The following MMP26 variants were observed in gnomAD, a reference collection of about 807,000 sequenced individuals.
MMP26 encodes the protein matrix metalloproteinase-26.
MMP26 carries 33 observed loss-of-function variants against 31.0 expected under a neutral mutation model. The observed-to-expected ratio is 1.06, with a 90% CI of 0.81 to 1.42. The LOEUF is 1.42. Among genes scored for constraint, MMP26 ranks in the 40% most tolerant of loss-of-function variants. The pLI, the probability that MMP26 is intolerant of heterozygous loss-of-function variation, is 0.00. For synonymous variants in MMP26, 122 were observed against 114.9 expected (o/e 1.06, Z -0.40); for missense variants, 347 against 316.1 (o/e 1.10, Z -0.74).
At chr11:4,784,106 T>A (rs1848902653) in intron 2 of MMP26, among the ~76,000 whole-genome samples, 1 of 152,216 alleles carries the variant, frequency 6.6e-6, no homozygotes. Flanking sequence ...AGGAACAGGA[T>A]CAATTACTAT....
intron 2 of MMP26, chr11:4,768,920 C>T (rs1023553447): frequency 3.2e-5 from 37 of 1,155,318 alleles, no homozygotes; most frequent in Admixed American, 1.3e-4. Flanking sequence ...AGAGCAAGTT[C>T]GCTTTTCTAC....
chr11:4,891,923 A>G (rs1850629759), intron 2 of MMP26, among the ~76,000 whole-genome samples: 1 of 152,130 alleles, frequency 6.6e-6, no homozygotes, highest in Non-Finnish European at 1.5e-5. Flanking sequence ...TAGTTTTTCC[A>G]CAAATCCAGG....
chr11:4,744,892 C>T (rs187346449), intron 1 of MMP26, among the ~76,000 whole-genome samples: 205 of 152,090 alleles, frequency 1.3e-3, no homozygotes, highest in African/African-American at 4.7e-3. Context: ...CCATAATCAC[C>T]TCTTCTTCTT....
intron 2 of MMP26, among the ~76,000 whole-genome samples, chr11:4,812,632 T>G (rs553358523): frequency 2.0e-5 from 3 of 152,218 alleles, no homozygotes; most frequent in South Asian, 4.1e-4. Flanking sequence ...GGGAACAATC[T>G]ATGTATTTAT....
chr11:4,935,019 A>G (rs1851413165), intron 2 of MMP26, among the ~76,000 whole-genome samples: 1 of 150,868 alleles, frequency 6.6e-6, no homozygotes. Flanking sequence ...TGATGCCTCC[A>G]GCTTTGTTCT....
At chr11:4,871,435 A>C (rs1451548414) in intron 2 of MMP26, among the ~76,000 whole-genome samples, 3 of 152,116 alleles carry the variant, frequency 2.0e-5, no homozygotes, top group Non-Finnish European at 2.9e-5. Context: ...ATCGTATTTC[A>C]ATATAGTTAG....
At chr11:4,864,306 A>G (rs1850205402) in intron 2 of MMP26, among the ~76,000 whole-genome samples, 1 of 152,230 alleles carries the variant, frequency 6.6e-6, no homozygotes, top group African/African-American at 2.4e-5. Context: ...TCTTAAAAAT[A>G]CAGGAACAGC....
At chr11:4,939,273 C>T (rs1846174071) in intron 2 of MMP26, among the ~76,000 whole-genome samples, 1 of 152,064 alleles carries the variant, frequency 6.6e-6, no homozygotes, top group Non-Finnish European at 1.5e-5. Context: ...AATGGAATAT[C>T]ATTTACCAAA....
intron 1 of MMP26, among the ~76,000 whole-genome samples, chr11:4,714,322 C>T (rs1449446357): frequency 6.6e-6 from 1 of 152,010 alleles, no homozygotes; most frequent in Non-Finnish European, 1.5e-5. Flanking sequence ...GTCTATGAGC[C>T]ATTTGTTTTG....
chr11:4,799,374 G>C (rs116747344), intron 2 of MMP26, among the ~76,000 whole-genome samples: 14 of 152,034 alleles, frequency 9.2e-5, no homozygotes, highest in African/African-American at 3.4e-4. Context: ...GAGAAGGGGG[G>C]GGTCTCAGGC....
At chr11:4,801,731 C>T (rs937315295) in intron 2 of MMP26, among the ~76,000 whole-genome samples, 17 of 151,730 alleles carry the variant, frequency 1.1e-4, no homozygotes, top group Non-Finnish European at 1.8e-4. Flanking sequence ...TAGTTGAGAC[C>T]GGGTTTCACC....
chr11:4,937,638 T>G (rs112640060), intron 2 of MMP26: 2,854 of 152,688 alleles, frequency 0.019, 35 homozygotes, highest in Middle Eastern at 0.037. Context: ...AAATCATAAT[T>G]TAGGAGAAGG....
intron 2 of MMP26, among the ~76,000 whole-genome samples, chr11:4,933,181 T>C: frequency 6.6e-6 from 1 of 152,104 alleles, no homozygotes; most frequent in Non-Finnish European, 1.5e-5. Context: ...AAGGTGACAA[T>C]GTGTGTGTAT....
intron 2 of MMP26, among the ~76,000 whole-genome samples, chr11:4,904,785 G>A (rs116473629): frequency 6.6e-6 from 1 of 152,084 alleles, no homozygotes; most frequent in Non-Finnish European, 1.5e-5. Flanking sequence ...GCTAAGAAAT[G>A]ATTCTACATA....
intron 2 of MMP26, among the ~76,000 whole-genome samples, chr11:4,785,554 T>A (rs189605018): frequency 7.2e-5 from 11 of 152,344 alleles, no homozygotes; most frequent in African/African-American, 2.2e-4. Flanking sequence ...TTTCTCATAA[T>A]TGACTTTACT....
intron 1 of MMP26, among the ~76,000 whole-genome samples, chr11:4,735,302 C>T (rs953568087): frequency 6.6e-6 from 1 of 152,118 alleles, no homozygotes; most frequent in African/African-American, 2.4e-5. Context: ...ATGGTTATGT[C>T]TATATCACTA....
At chr11:4,783,270 C>G (rs1848890098) in intron 2 of MMP26, among the ~76,000 whole-genome samples, 1 of 152,232 alleles carries the variant, frequency 6.6e-6, no homozygotes, top group African/African-American at 2.4e-5. Flanking sequence ...CCACCTCTTG[C>G]ATCAGTGTGA....
intron 1 of MMP26, chr11:4,722,920 A>G: frequency 2.5e-6 from 2 of 785,804 alleles, no homozygotes; most frequent in Non-Finnish European, 4.6e-6. Context: ...CCGAGCTTAG[A>G]CCACCTGCAT....
At chr11:4,851,735 G>T (rs996349925) in intron 2 of MMP26, among the ~76,000 whole-genome samples, 19 of 151,982 alleles carry the variant, frequency 1.3e-4, no homozygotes, top group African/African-American at 4.6e-4. Context: ...CTGGAATTAA[G>T]TTAATATTAT....
Sources: gnomAD v4.1 joint callset for allele counts (sites outside exome capture counted in the v4.1 genomes callset) on GRCh38, gnomAD v4.1.1 for gene constraint, MANE v1.5 for transcripts, NCBI Gene and HGNC (gene_info 2026-07-23, HGNC 2026-07-21) for gene names.